Variants in FHIT observed in about 807,000 individuals in gnomAD.
The protein encoded by FHIT is bis(5'-adenosyl)-triphosphatase.
In FHIT, 19 loss-of-function variants were observed where a neutral mutation model predicts 17.9. The ratio of observed to expected loss-of-function variants is 1.06; its 90% CI spans 0.74 to 1.56. The LOEUF (loss-of-function observed/expected upper bound fraction) is 1.56, where lower values mean the gene tolerates loss of function less well. Ranked by LOEUF, FHIT falls within the 40% of genes most tolerant of loss-of-function variation. The probability of loss-of-function intolerance (pLI) is 0.00; values close to 1 mark genes in which losing one functional copy is unlikely to be tolerated. For missense variants in FHIT, 248 were observed against 189.2 expected (o/e 1.31, Z -1.82); for synonymous variants, 81 against 69.7 (o/e 1.16, Z -0.81).
chr3:60,064,078 T>C (rs1352307143), intron 5 of FHIT, among the ~76,000 whole-genome samples: 1 of 152,096 alleles, frequency 6.6e-6, no homozygotes, highest in Admixed American at 6.5e-5. Context: ...AACTTCACAA[T>C]GGTAATATTT....
intron 5 of FHIT, among the ~76,000 whole-genome samples, chr3:60,365,047 A>AATATAT (rs143401970): frequency 3.4e-5 from 5 of 148,516 alleles, no homozygotes; most frequent in African/African-American, 7.4e-5. Flanking sequence ...TATCTATCTG[A>AATATAT]ATATATATAT....
chr3:61,041,029 G>A (rs2033484370), intron 3 of FHIT, among the ~76,000 whole-genome samples: 1 of 152,108 alleles, frequency 6.6e-6, no homozygotes, highest in Non-Finnish European at 1.5e-5. Flanking sequence ...CTTGGACACT[G>A]GATGTCTCAA....
intron 5 of FHIT, among the ~76,000 whole-genome samples, chr3:60,503,787 A>G (rs975586376): frequency 2.0e-5 from 3 of 152,206 alleles, no homozygotes; most frequent in Non-Finnish European, 4.4e-5. Flanking sequence ...GTTTTATCTA[A>G]AACTGTTTTG....
chr3:61,012,333 T>C (rs1008777697), intron 3 of FHIT, among the ~76,000 whole-genome samples: 3 of 152,144 alleles, frequency 2.0e-5, no homozygotes, highest in African/African-American at 7.2e-5. Context: ...AAATTCTTTT[T>C]CAAGACAGTT....
At chr3:60,559,754 TCCCTCTTAC>T (rs761283640) in intron 4 of FHIT, among the ~76,000 whole-genome samples, 55,806 of 151,706 alleles carry the variant, frequency 0.37, 10,465 homozygotes, top group East Asian at 0.5. Flanking sequence ...AAAAAGCATG[TCCCTCTTAC>T]GGGCACTTAC....
At chr3:60,129,516 A>ATGTT in intron 5 of FHIT, among the ~76,000 whole-genome samples, 1 of 152,208 alleles carries the variant, frequency 6.6e-6, no homozygotes. Flanking sequence ...TTCCTAGACT[A>ATGTT]CATGTTGATG....
At chr3:60,826,721 G>A (rs141066804) in intron 3 of FHIT, among the ~76,000 whole-genome samples, 153 of 152,258 alleles carry the variant, frequency 1.0e-3, no homozygotes, top group Non-Finnish European at 1.7e-3. Context: ...CCAGAACACC[G>A]GAAGCAGCCA....
At chr3:59,931,785 C>G (rs1168307495) in intron 7 of FHIT, among the ~76,000 whole-genome samples, 2 of 152,100 alleles carry the variant, frequency 1.3e-5, no homozygotes, top group African/African-American at 4.8e-5. Context: ...ACTGGTGGTG[C>G]TCCAATTGTG....
chr3:61,144,080 A>C (rs2037162237), intron 2 of FHIT, among the ~76,000 whole-genome samples: 1 of 152,216 alleles, frequency 6.6e-6, no homozygotes, highest in South Asian at 2.1e-4. Context: ...TCACCCATTT[A>C]AACTGTACGA....
intron 1 of FHIT, among the ~76,000 whole-genome samples, chr3:61,237,091 A>AT (rs1383425500): frequency 1.3e-5 from 2 of 152,166 alleles, no homozygotes; most frequent in Non-Finnish European, 1.5e-5. Context: ...AATTACCTGC[A>AT]TTTTTTCTGA....
chr3:60,234,100 T>C (rs1704641157), intron 5 of FHIT, among the ~76,000 whole-genome samples: 1 of 152,232 alleles, frequency 6.6e-6, no homozygotes, highest in African/African-American at 2.4e-5. Context: ...TTCACTTGCA[T>C]GCTTCCAGTG....
chr3:60,325,803 A>C (rs1193156850), intron 5 of FHIT, among the ~76,000 whole-genome samples: 1 of 152,220 alleles, frequency 6.6e-6, no homozygotes, highest in Non-Finnish European at 1.5e-5. Context: ...AGTGGAGAGG[A>C]CCAGGAAGGA....
At chr3:60,022,932 T>C (rs1461647063) in intron 5 of FHIT, among the ~76,000 whole-genome samples, 1 of 152,194 alleles carries the variant, frequency 6.6e-6, no homozygotes, top group African/African-American at 2.4e-5. Flanking sequence ...GTTATTGTCC[T>C]AGAGATATAC....
At chr3:59,886,953 A>G (rs1236147383) in intron 8 of FHIT, among the ~76,000 whole-genome samples, 1 of 152,148 alleles carries the variant, frequency 6.6e-6, no homozygotes, top group Non-Finnish European at 1.5e-5. Context: ...AACCAGACAA[A>G]TGTGGCCCCT....
At chr3:60,545,725 A>G (rs2107615046) in intron 4 of FHIT, among the ~76,000 whole-genome samples, 1 of 152,234 alleles carries the variant, frequency 6.6e-6, no homozygotes, top group South Asian at 2.1e-4. Flanking sequence ...TAAGCTGTTG[A>G]TTTTTTAGAA....
intron 5 of FHIT, among the ~76,000 whole-genome samples, chr3:60,512,736 A>C (rs992346784): frequency 2.6e-5 from 4 of 152,208 alleles, no homozygotes; most frequent in Non-Finnish European, 4.4e-5. Context: ...AAAATGGTTT[A>C]AATGAACCGA....
At chr3:59,815,337 TA>T (rs996852550) in intron 8 of FHIT, among the ~76,000 whole-genome samples, 2 of 152,126 alleles carry the variant, frequency 1.3e-5, no homozygotes, top group Admixed American at 6.5e-5. Flanking sequence ...CTTAAATAAC[TA>T]AAAGGGGAAT....
chr3:60,072,422 C>T (rs1186492257), intron 5 of FHIT, among the ~76,000 whole-genome samples: 1 of 152,046 alleles, frequency 6.6e-6, no homozygotes, highest in Admixed American at 6.6e-5. Context: ...AAGAAACCAA[C>T]CAAGTCAACA....
chr3:60,908,089 A>G (rs909696349), intron 3 of FHIT, among the ~76,000 whole-genome samples: 16 of 152,248 alleles, frequency 1.1e-4, no homozygotes, highest in African/African-American at 3.6e-4. Flanking sequence ...TTATGATTAC[A>G]TGCAACTGAT....
Sources: allele counts gnomAD v4.1 joint callset (sites outside exome capture counted in the v4.1 genomes callset), GRCh38; gene constraint gnomAD v4.1.1; transcripts MANE v1.5; gene names NCBI Gene and HGNC (gene_info 2026-07-23, HGNC 2026-07-21).